Variants in DGKI observed in about 807,000 individuals in gnomAD.
The protein encoded by DGKI is diacylglycerol kinase iota, also known as DAG kinase iota.
A neutral mutation model predicts 147.5 loss-of-function variants in DGKI; 55 were observed. That is an observed-to-expected ratio of 0.37 (90% CI 0.30 to 0.47). The LOEUF (loss-of-function observed/expected upper bound fraction) is 0.47. Ranked by LOEUF, DGKI falls within the 20% of genes least tolerant of loss-of-function variation. The pLI is 1.00. For missense variants in DGKI, 1,007 were observed against 1,323.8 expected, an observed-to-expected ratio of 0.76 and a Z score of 3.71; for synonymous variants, 469 against 477.1, an observed-to-expected ratio of 0.98 and a Z score of 0.22.
chr7:137,582,613 C>G (rs1228658845), intron 14 of DGKI, among the ~76,000 whole-genome samples: 2 of 152,114 alleles, frequency 1.3e-5, no homozygotes, highest in East Asian at 3.9e-4. Flanking sequence ...TTATTATGAC[C>G]ATGAAATCTG....
intron 1 of DGKI, among the ~76,000 whole-genome samples, chr7:137,697,955 T>C (rs1260346462): frequency 1.3e-5 from 2 of 151,674 alleles, no homozygotes; most frequent in Non-Finnish European, 2.9e-5. Flanking sequence ...TCTATCTATC[T>C]ATCTGGAGAT....
intron 9 of DGKI, 90 bp from the exon 10 acceptor site, chr7:137,609,154 A>G: frequency 1.0e-6 from 1 of 957,206 alleles, no homozygotes; most frequent in African/African-American, 2.0e-5. Context: ...ACCCAATAAT[A>G]CATTTTGTTT....
chr7:137,512,142 A>G (rs1411968939), intron 21 of DGKI, among the ~76,000 whole-genome samples: 1 of 152,186 alleles, frequency 6.6e-6, no homozygotes, highest in Non-Finnish European at 1.5e-5. Context: ...ATTCTTTTAA[A>G]TTTGTCTTTA....
intron 1 of DGKI, among the ~76,000 whole-genome samples, chr7:137,763,647 T>A (rs1795925794): frequency 6.6e-6 from 1 of 152,254 alleles, no homozygotes; most frequent in African/African-American, 2.4e-5. Context: ...CCAGCTCCTG[T>A]CCCATTTATT....
chr7:137,408,179 T>C (rs568070340), intron 29 of DGKI, among the ~76,000 whole-genome samples, 184 bp from the exon 30 acceptor site: 1 of 152,340 alleles, frequency 6.6e-6, no homozygotes, highest in African/African-American at 2.4e-5. Context: ...AGATGACCAG[T>C]GTCTCTTCTA....
intron 6 of DGKI, among the ~76,000 whole-genome samples, chr7:137,637,076 T>C (rs1821340374): frequency 6.6e-6 from 1 of 152,328 alleles, no homozygotes; most frequent in Admixed American, 6.5e-5. Context: ...CCTCGCCCAG[T>C]TGTGGGTCAA....
chr7:137,406,998 T>C (rs1198910847), intron 30 of DGKI, among the ~76,000 whole-genome samples: 1 of 148,232 alleles, frequency 6.7e-6, no homozygotes, highest in Non-Finnish European at 1.5e-5. Flanking sequence ...ATCTACAGGC[T>C]GAATTTGGGT....
chr7:137,549,790 CA>C (rs1412454256), intron 20 of DGKI, among the ~76,000 whole-genome samples: 1 of 152,018 alleles, frequency 6.6e-6, no homozygotes, highest in Non-Finnish European at 1.5e-5. Context: ...CCTTAGATTT[CA>C]AAACAAGGTT....
At chr7:137,824,958 A>G (rs537381212) in intron 1 of DGKI, among the ~76,000 whole-genome samples, 3 of 152,294 alleles carry the variant, frequency 2.0e-5, no homozygotes, top group South Asian at 4.2e-4. Flanking sequence ...CCAGTCTATC[A>G]TTTATGGGGA....
chr7:137,408,337 T>C (rs1229076867), intron 29 of DGKI, among the ~76,000 whole-genome samples: 1 of 152,226 alleles, frequency 6.6e-6, no homozygotes, highest in Non-Finnish European at 1.5e-5. Flanking sequence ...AAAGCATCTC[T>C]ATGTTGGCTT....
chr7:137,576,272 A>C (rs1818972069), intron 17 of DGKI, among the ~76,000 whole-genome samples: 1 of 152,048 alleles, frequency 6.6e-6, no homozygotes, highest in African/African-American at 2.4e-5. Flanking sequence ...TCCTGAGCTC[A>C]GGCAATCCAG....
intron 1 of DGKI, among the ~76,000 whole-genome samples, chr7:137,836,313 T>C (rs1359253931): frequency 1.3e-5 from 2 of 152,250 alleles, no homozygotes; most frequent in Non-Finnish European, 2.9e-5. Context: ...AAAATGTTCC[T>C]TTGGAACTTT....
chr7:137,486,572 G>C (rs571991911), intron 22 of DGKI, among the ~76,000 whole-genome samples: 1 of 152,174 alleles, frequency 6.6e-6, no homozygotes, highest in East Asian at 1.9e-4. Context: ...TAATGAAGCC[G>C]TAAGTGTAAA....
intron 28 of DGKI, among the ~76,000 whole-genome samples, chr7:137,418,127 C>T (rs1264893260): frequency 6.6e-6 from 1 of 152,132 alleles, no homozygotes; most frequent in Non-Finnish European, 1.5e-5. Flanking sequence ...CAAAATCTGG[C>T]TTATTATTAG....
At chr7:137,459,470 A>ATTTTTTTTTTTTTTTTTTTTTTTTTT (rs68045398) in intron 27 of DGKI, among the ~76,000 whole-genome samples, 1 of 107,484 alleles carries the variant, frequency 9.3e-6, no homozygotes, top group African/African-American at 3.8e-5. Context: ...AATTTTTTAA[A>ATTTTTTTTTTTTTTTTTTTTTTTTTT]TTTTTTTTTT....
intron 1 of DGKI, among the ~76,000 whole-genome samples, chr7:137,716,889 C>T (rs964415410): frequency 1.3e-5 from 2 of 152,182 alleles, no homozygotes; most frequent in Non-Finnish European, 2.9e-5. Flanking sequence ...GAAAATTTTT[C>T]CACCCGTGTT....
At chr7:137,511,782 C>G (rs1424550733) in intron 21 of DGKI, among the ~76,000 whole-genome samples, 1 of 152,158 alleles carries the variant, frequency 6.6e-6, no homozygotes, top group Non-Finnish European at 1.5e-5. Context: ...ACTCATTTTC[C>G]CAGAGGCTAA....
intron 1 of DGKI, among the ~76,000 whole-genome samples, chr7:137,813,779 T>C (rs897036788): frequency 2.0e-5 from 3 of 152,326 alleles, no homozygotes; most frequent in Admixed American, 6.5e-5. Flanking sequence ...TCAAATGTAG[T>C]GATTTTTCTC....
At chr7:137,595,171 T>C (rs1819741558) in intron 12 of DGKI, among the ~76,000 whole-genome samples, 1 of 152,210 alleles carries the variant, frequency 6.6e-6, no homozygotes. Context: ...ATAGTTATGC[T>C]ATCATTAATG....
Sources: allele counts gnomAD v4.1 joint callset (sites outside exome capture counted in the v4.1 genomes callset), GRCh38; gene constraint gnomAD v4.1.1; transcripts MANE v1.5; gene names NCBI Gene and HGNC (gene_info 2026-07-23, HGNC 2026-07-21).